Variants in COCH observed in about 807,000 individuals in gnomAD.
The protein encoded by COCH is cochlin.
COCH carries 40 observed loss-of-function variants against 54.8 expected under a neutral mutation model. The ratio of observed to expected loss-of-function variants is 0.73; its 90% CI spans 0.57 to 0.95. The LOEUF is 0.95. COCH is among the 40% of genes least tolerant of loss of function. The probability of loss-of-function intolerance (pLI) is 0.00; values close to 1 mark genes in which losing one functional copy is unlikely to be tolerated. For missense variants in COCH, 605 were observed against 675.0 expected (o/e 0.90, Z 1.15); for synonymous variants, 256 against 237.9 (o/e 1.08, Z -0.70).
chr14:30,892,507 T>TA (rs1054516792), downstream of COCH, among the ~76,000 whole-genome samples: 1 of 151,958 alleles, frequency 6.6e-6, no homozygotes, highest in African/African-American at 2.4e-5. Context: ...AAATGGTATT[T>TA]AAAAAAAACT....
intron 8 of COCH, among the ~76,000 whole-genome samples, chr14:30,882,130 T>TGTTTGTTTG (rs1234254116): frequency 2.6e-5 from 3 of 115,278 alleles, no homozygotes; most frequent in African/African-American, 1.1e-4. Context: ...GTTTTTTTTT[T>TGTTTGTTTG]TTTTTTTTTT....
intron 9 of COCH, chr14:30,884,859 A>G: frequency 6.7e-7 from 1 of 1,498,780 alleles, no homozygotes; most frequent in Non-Finnish European, 8.9e-7. Context: ...TTCTTATTTT[A>G]AAAAATATAA....
At chr14:30,884,743 G>T in intron 9 of COCH, 87 bp downstream of exon 9, 1 of 1,284,040 alleles carries the variant, frequency 7.8e-7, no homozygotes, top group Non-Finnish European at 1.1e-6. Flanking sequence ...TATTTTATAT[G>T]AGCAGATGTG....
intron 8 of COCH, among the ~76,000 whole-genome samples, chr14:30,884,030 G>T (rs1043745834): frequency 6.6e-6 from 1 of 152,164 alleles, no homozygotes; most frequent in African/African-American, 2.4e-5. Context: ...TCCCACACTG[G>T]AACAGACCCT....
downstream of COCH, chr14:30,895,395 G>A (rs1471102837): frequency 1.9e-6 from 3 of 1,585,210 alleles, no homozygotes; most frequent in Non-Finnish European, 2.6e-6. Context: ...TTGTTACGAT[G>A]CAAGTTTTTG....
At chr14:30,885,667 T>A in intron 10 of COCH, 47 bp downstream of exon 10, 1 of 1,466,946 alleles carries the variant, frequency 6.8e-7, no homozygotes, top group Non-Finnish European at 9.6e-7. Context: ...GGTATTCCAT[T>A]TTGGACCTCT....
Position 30,885,978 on chromosome 14 carries a change from C to T in COCH, c.1143C>T (p.Ser381=). Residue 381 remains serine, a synonymous_variant, in exon 11 of 12, where the codon AGC becomes AGT. Transcript: ENST00000396618. ...ATGGCTCCAGCAGTGTTGGAGATAG[C>T]AATTTCCGCCTCATGCTTGAATTTG... ...LIDGSSSVGD[S]NFRLMLEFVS... 1 of 1,614,178 alleles carries T rather than the reference C, an allele frequency of 6.2e-7. No homozygotes were observed. Among genetic ancestry groups the T allele is most frequent in the African/African-American group, 1.3e-5 (1 of 75,038 alleles).
intron 4 of COCH, 33 bp from the exon 5 acceptor site, chr14:30,878,778 G>T: frequency 6.2e-7 from 1 of 1,613,970 alleles, no homozygotes; most frequent in East Asian, 2.2e-5. Context: ...AAAAAGTGTG[G>T]ATAGCATCTC....
intron 11 of COCH, among the ~76,000 whole-genome samples, chr14:30,888,130 TA>T (rs1895854438): frequency 1.4e-5 from 2 of 144,346 alleles, no homozygotes; most frequent in Non-Finnish European, 3.1e-5. Context: ...GTGGTGTGAT[TA>T]TTTTTTTTTT....
chr14:30,877,408 C>CT lies in COCH; in HGVS notation c.83-162dup. ...ATTAAATTGGAAAACAACCTTGTGG[C>CT]TTGCCAAAATCTGGAATGGTATGGA... On this transcript the variant is annotated intron_variant, in intron 3 of 11. Coordinates refer to ENST00000396618, the MANE Select transcript of COCH (RefSeq NM_004086.3). This position sits in a 1 kb window ranked among gnomAD's most constrained non-coding sequence, Gnocchi z 8.6. 3.7e-6 allele frequency: 3 copies of CT among 819,862 alleles called. No homozygotes were observed. 50.8% of individuals were successfully genotyped at this position (819,862 alleles called of 1,614,324 possible).
chr14:30,883,125 T>C (rs1476638623), intron 8 of COCH, among the ~76,000 whole-genome samples: 2 of 152,246 alleles, frequency 1.3e-5, no homozygotes, highest in Admixed American at 1.3e-4. Flanking sequence ...TTAAAAAAAA[T>C]GTGTTCCTTG....
intron 8 of COCH, among the ~76,000 whole-genome samples, chr14:30,882,874 G>T (rs1594380133): frequency 2.6e-5 from 4 of 152,264 alleles, no homozygotes; most frequent in Admixed American, 2.6e-4. Context: ...GGACAACAGA[G>T]AAAGACCCCA....
At chr14:30,883,390 TTC>T (rs1159396243) in intron 8 of COCH, among the ~76,000 whole-genome samples, 16 of 152,236 alleles carry the variant, frequency 1.1e-4, no homozygotes, top group African/African-American at 3.9e-4. Flanking sequence ...TTTGTAGTTT[TTC>T]TGTTTTAGAA....
Position 30,877,012 on chromosome 14 carries a change from T to C in COCH, c.83-560T>C, listed in dbSNP as rs1895380995. Among the ~76,000 whole-genome samples the C allele has an allele frequency of 6.6e-6, 1 of 152,136 alleles. No individual in the cohort carries two copies. Among genetic ancestry groups the C allele is most frequent in the South Asian group, 2.1e-4 (1 of 4,824 alleles). ...TAGAAGAGATGAGGTCTTGCTATGT[T>C]GTCCAGACTGGTCTTGACCTCCTGG... On this transcript the variant is annotated intron_variant, in intron 3 of 11. Coordinates refer to ENST00000396618, the MANE Select transcript of COCH (RefSeq NM_004086.3). The surrounding 1 kb of genome is among the most constrained non-coding windows in gnomAD (Gnocchi z 8.6).
downstream of COCH, among the ~76,000 whole-genome samples, chr14:30,893,604 AT>A (rs1319812120): frequency 2.0e-5 from 3 of 152,212 alleles, no homozygotes; most frequent in African/African-American, 7.2e-5. Context: ...GTCTAAGCAA[AT>A]TACTTAAAAC....
At position 30,889,811 on chromosome 14, in the gene COCH, G is replaced by C; in HGVS notation, c.*20G>C. 6.2e-7 allele frequency: 1 copy of C among 1,604,986 alleles called. No homozygotes were observed. Among genetic ancestry groups the C allele is most frequent in the Non-Finnish European group, 8.5e-7 (1 of 1,174,090 alleles). On this transcript the variant is annotated 3_prime_UTR_variant, in exon 12 of 12. Coordinates refer to ENST00000396618, the MANE Select transcript of COCH (RefSeq NM_004086.3). Reference sequence around the variant, plus strand: ...CAATAATGGTAACATTTTGACAACTGAAAGAAAAAGTACAAGGGGATCCAG... The same window carrying C: ...CAATAATGGTAACATTTTGACAACTCAAAGAAAAAGTACAAGGGGATCCAG...
At chr14:30,891,240 T>TAGA (rs879386283), downstream of COCH, among the ~76,000 whole-genome samples, 5,440 of 152,228 alleles carry the variant, frequency 0.036, 155 homozygotes, top group African/African-American at 0.075. Context: ...CAGGACTCCC[T>TAGA]TAATGTGACT....
rs562181976 is a variant in COCH, at chr14:30,878,155, A to G, written c.239+427A>G. Among the ~76,000 whole-genome samples the G allele has an allele frequency of 2.0e-5, 3 of 152,342 alleles. No homozygotes were observed. In the East Asian group the frequency reaches 5.8e-4, roughly 29 times the overall value. The stretch of plus-strand genomic sequence containing the variant: ...GTTAGCAAGTGCCATGCTATCCTGT[A>G]GTAGAATAGCCAGTATAATACTTCT... On this transcript the variant is annotated intron_variant, in intron 4 of 11. Coordinates refer to ENST00000396618, the MANE Select transcript of COCH (RefSeq NM_004086.3).
chr14:30,892,632 G>C (rs1896012926), downstream of COCH, among the ~76,000 whole-genome samples: 1 of 152,024 alleles, frequency 6.6e-6, no homozygotes, highest in African/African-American at 2.4e-5. Context: ...ACATGGTAAA[G>C]CCCTGTCTCT....
Sources: allele counts gnomAD v4.1 joint callset (sites outside exome capture counted in the v4.1 genomes callset), GRCh38; gene constraint gnomAD v4.1.1; non-coding constraint Gnocchi (gnomAD v3.1); transcripts MANE v1.5; gene names NCBI Gene and HGNC (gene_info 2026-07-23, HGNC 2026-07-21).